Variants in ZNF665 observed in about 807,000 individuals in gnomAD.
The protein encoded by ZNF665 is zinc finger protein 665.
A neutral mutation model predicts 7.9 loss-of-function variants in ZNF665; 6 were observed. The observed-to-expected ratio is 0.76, with a 90% CI of 0.42 to 1.50. The LOEUF (loss-of-function observed/expected upper bound fraction) is 1.50, where lower values mean the gene tolerates loss of function less well. ZNF665 is among the 40% of genes most tolerant of loss of function. The probability of loss-of-function intolerance (pLI) is 0.01; values close to 1 mark genes in which losing one functional copy is unlikely to be tolerated. For missense variants in ZNF665, 819 were observed against 806.7 expected, an observed-to-expected ratio of 1.02 and a Z score of -0.18; for synonymous variants, 242 against 274.5, an observed-to-expected ratio of 0.88 and a Z score of 1.17.
intron 3 of ZNF665, 46 bp from the exon 4 acceptor site, chr19:53,166,393 T>C (rs1163164168): frequency 6.8e-7 from 1 of 1,461,016 alleles, no homozygotes; most frequent in Non-Finnish European, 9.1e-7. Context: ...CTATAGTAGG[T>C]AAATAACTAT....
chr19:53,168,729 T>C (rs1030454409), intron 3 of ZNF665, among the ~76,000 whole-genome samples: 3 of 152,180 alleles, frequency 2.0e-5, no homozygotes, highest in African/African-American at 7.2e-5. Flanking sequence ...GTGTGATTAT[T>C]GTTGATTAGA....
chr19:53,182,698 A>C, intron 2 of ZNF665, 186 bp downstream of exon 2: 1 of 1,172,748 alleles, frequency 8.5e-7, no homozygotes, highest in Non-Finnish European at 1.2e-6. Context: ...CCTCTTCCCA[A>C]GTTCATGTCA....
rs527611043 is a variant in ZNF665, at chr19:53,170,433, G to A, written c.143-4086C>T. Among the ~76,000 whole-genome samples, 9 of 152,236 alleles carry A rather than the reference G, an allele frequency of 5.9e-5. No homozygotes were observed. In the East Asian group the frequency reaches 1.4e-3, roughly 23 times the overall value. On this transcript the variant is annotated intron_variant, in intron 3 of 3. Transcript: ENST00000396424. ...TTTAATTGAACCTTTGTGTTGAAAC[G>A]ACAAACATCTTCCTAATCTCCCCAA...
At chr19:53,174,806 G>T (rs2090683761) in intron 3 of ZNF665, among the ~76,000 whole-genome samples, 1 of 152,070 alleles carries the variant, frequency 6.6e-6, no homozygotes, top group South Asian at 2.1e-4. Flanking sequence ...CGGCATGGTG[G>T]CTAAAGCCTG....
rs568250022 is a variant in ZNF665, at chr19:53,176,945, C to T, written c.16-1374G>A. On this transcript the variant is annotated intron_variant, in intron 2 of 3. Coordinates refer to ENST00000396424, the MANE Select transcript of ZNF665 (RefSeq NM_024733.5). Reference sequence around the variant, plus strand: ...GACGAGCCTGGCCAACATGGCAAAACCCCGTCTCTACTAAAAATACAAAAA... The same window carrying T: ...GACGAGCCTGGCCAACATGGCAAAATCCCGTCTCTACTAAAAATACAAAAA... 3.9e-5 allele frequency among the ~76,000 whole-genome samples: 6 copies of T among 152,060 alleles called. No homozygotes were observed. The East Asian group carries it at 7.8e-4, about 20-fold the overall frequency.
At chr19:53,179,126 C>T (rs941559873) in intron 2 of ZNF665, among the ~76,000 whole-genome samples, 4 of 151,924 alleles carry the variant, frequency 2.6e-5, no homozygotes, top group Non-Finnish European at 4.4e-5. Context: ...GTAATCCCAG[C>T]ACTTTGGGAG....
chr19:53,167,145 G>A (rs1193198586), intron 3 of ZNF665, among the ~76,000 whole-genome samples: 2 of 151,902 alleles, frequency 1.3e-5, no homozygotes, highest in African/African-American at 4.8e-5. Context: ...GGGATTACAG[G>A]CATGCACCAC....
chr19:53,165,953 T>C lies in ZNF665; in HGVS notation c.537A>G (p.Lys179=). Reference sequence around the variant, plus strand: ...TGAAGACCTTGCCACATTCATCACATTTATAATGTTTTCCTCGATTATTAG... The same window carrying C: ...TGAAGACCTTGCCACATTCATCACACTTATAATGTTTTCCTCGATTATTAG... ...KSPNNRGKHY[K]CDECGKVFSQ... The change falls in exon 4 of 4, where the codon AAA becomes AAG. Residue 179 remains lysine, a synonymous_variant. Coordinates refer to ENST00000396424, the MANE Select transcript of ZNF665 (RefSeq NM_024733.5). 1 of 1,614,024 alleles carries C rather than the reference T, an allele frequency of 6.2e-7. No individual in the cohort carries two copies. Among genetic ancestry groups the C allele is most frequent in the Non-Finnish European group, 8.5e-7 (1 of 1,179,932 alleles).
Position 53,189,376 on chromosome 19 carries a change from G to A in ZNF665, c.-46+3936C>T, listed in dbSNP as rs371075992. Among the ~76,000 whole-genome samples the A allele has an allele frequency of 1.2e-3, 180 of 151,168 alleles. 2 individuals carry two copies. The East Asian group carries it at 0.02, about 17-fold the overall frequency. On this transcript the variant is annotated intron_variant, in intron 1 of 3. Transcript: ENST00000396424. The stretch of plus-strand genomic sequence containing the variant: ...GTAGTGGCCCCGAATGTCTGGCTGC[G>A]CTGTTATTTATTGGATACAAGGCAG...
chr19:53,177,725 GC>G (rs1328013364), intron 2 of ZNF665, among the ~76,000 whole-genome samples: 1 of 152,134 alleles, frequency 6.6e-6, no homozygotes, highest in Admixed American at 6.6e-5. Context: ...ACAAGTCAGA[GC>G]CTTAAAACTA....
intron 3 of ZNF665, among the ~76,000 whole-genome samples, chr19:53,171,704 C>G (rs1431142573): frequency 1.3e-5 from 2 of 149,840 alleles, no homozygotes; most frequent in African/African-American, 4.9e-5. Flanking sequence ...GATTTTTGTA[C>G]TGTATGTCAC....
rs2090684245 is a variant in ZNF665 at position 53,174,864 on chromosome 19, A to T, written c.142+581T>A. ...TGAGGCAGGAGAATCGCTTGAACTC[A>T]GGAGGCGGTAGTTGCGGTTGCAGTG... On this transcript the variant is annotated intron_variant, in intron 3 of 3. Transcript: ENST00000396424. Among the ~76,000 whole-genome samples, 3 of 149,830 alleles carry T rather than the reference A, an allele frequency of 2.0e-5. No individual in the cohort carries two copies. The Admixed American group carries it at 2.0e-4, about 10-fold the overall frequency.
Position 53,165,050 on chromosome 19 carries a change from A to C in ZNF665, c.1440T>G (p.His480Gln), listed in dbSNP as rs1188646859. Residue 480 changes from histidine (H) to glutamine (Q), a missense_variant, in exon 4 of 4, where the codon CAT becomes CAG. Coordinates refer to ENST00000396424, the MANE Select transcript of ZNF665 (RefSeq NM_024733.5). ...CACACTTGTAAGGTTTCTCTCCAGA[A>C]TGAATTCCCCGATGACTTGCAAGGT... is the stretch of plus-strand genomic sequence containing the variant. ...NSHLASHRGI[H>Q]SGEKPYKCDE... is the part of the protein sequence containing the mutation. 6.2e-7 allele frequency: 1 copy of C among 1,614,112 alleles called. No homozygotes were observed. Among genetic ancestry groups the C allele is most frequent in the Admixed American group, 1.7e-5 (1 of 60,006 alleles).
In ZNF665 at chr19:53,171,590, C is replaced by T. The variant is rs556170944; in HGVS notation, c.142+3855G>A. ...TGTCACCCAGGCTGGAGTGCAGTGG[C>T]GTGATTTTGGCTCACTGCAACCTCC... On this transcript the variant is annotated intron_variant, in intron 3 of 3. Coordinates refer to ENST00000396424, the MANE Select transcript of ZNF665 (RefSeq NM_024733.5). Among the ~76,000 whole-genome samples, 20 of 139,022 alleles carry T rather than the reference C, an allele frequency of 1.4e-4. No homozygotes were observed. In the East Asian group the frequency reaches 3.0e-3, roughly 21 times the overall value. 91.2% of individuals were successfully genotyped at this position (139,022 alleles called of 152,430 possible).
intron 2 of ZNF665, among the ~76,000 whole-genome samples, chr19:53,180,145 A>G (rs2090727813): frequency 6.6e-6 from 1 of 152,202 alleles, no homozygotes; most frequent in African/African-American, 2.4e-5. Context: ...TAGATAATAG[A>G]GAACAGGCTG....
At position 53,171,382 on chromosome 19, in the gene ZNF665, ACTTGAGCT is replaced by A. The variant is rs1333631779; in HGVS notation, c.142+4055_142+4062del. Among the ~76,000 whole-genome samples the A allele has an allele frequency of 2.0e-5, 3 of 151,752 alleles. No homozygotes were observed. The East Asian group carries it at 5.8e-4, about 29-fold the overall frequency. ...AGTGTATTAAGCAAATACTTGCAAC[ACTTGAGCT>A]CCATGTAATAGCAATAGGAGGTGGC... On this transcript the variant is annotated intron_variant, in intron 3 of 3. Transcript: ENST00000396424.
chr19:53,175,651 G>A (rs575700570), intron 2 of ZNF665, 80 bp from the exon 3 acceptor site: 536 of 1,488,164 alleles, frequency 3.6e-4, no homozygotes, highest in Non-Finnish European at 4.7e-4. Context: ...GGAGAGAGCT[G>A]TAAGAATAGG....
intron 2 of ZNF665, chr19:53,181,372 G>C (rs2090736617): frequency 1.3e-5 from 2 of 151,644 alleles, no homozygotes; most frequent in Non-Finnish European, 1.5e-5. Context: ...AGTGAGCCGA[G>C]ATTGCACCAC....
At chr19:53,176,616 T>C (rs139903399) in intron 2 of ZNF665, among the ~76,000 whole-genome samples, 16 of 152,270 alleles carry the variant, frequency 1.1e-4, no homozygotes, top group Non-Finnish European at 2.1e-4. Flanking sequence ...ACAATCTGTG[T>C]TTGTGAATGG....
Sources: allele counts gnomAD v4.1 joint callset (sites outside exome capture counted in the v4.1 genomes callset), GRCh38; gene constraint gnomAD v4.1.1; transcripts MANE v1.5; gene names NCBI Gene and HGNC (gene_info 2026-07-23, HGNC 2026-07-21).